STARD6: variants seen among roughly 807,000 people sequenced by gnomAD.
STARD6 encodes the protein StAR related lipid transfer domain containing 6, also known as stAR-related lipid transfer protein 6.
A neutral mutation model predicts 22.3 loss-of-function variants in STARD6; 21 were observed. The observed-to-expected ratio is 0.94, with a 90% CI of 0.67 to 1.35. The LOEUF (loss-of-function observed/expected upper bound fraction) is 1.35, where lower values mean the gene tolerates loss of function less well. Ranked by LOEUF, STARD6 falls within the 40% of genes most tolerant of loss-of-function variation. The pLI, the probability that STARD6 is intolerant of heterozygous loss-of-function variation, is 0.00. For missense variants in STARD6, 269 were observed against 266.9 expected (o/e 1.01, Z -0.05); for synonymous variants, 80 against 88.1 (o/e 0.91, Z 0.52).
intron 5 of STARD6, 151 bp downstream of exon 5, chr18:54,336,974 G>T: frequency 3.4e-6 from 2 of 593,974 alleles, no homozygotes; most frequent in Non-Finnish European, 5.4e-6. Context: ...CTGTTGGAAA[G>T]TAGGGAAGTT....
chr18:54,346,385 C>T (rs1285551633), intron 4 of STARD6, among the ~76,000 whole-genome samples: 1 of 152,004 alleles, frequency 6.6e-6, no homozygotes, highest in African/African-American at 2.4e-5. Flanking sequence ...ACTAGGATAG[C>T]TATAATCAAG....
intron 7 of STARD6, among the ~76,000 whole-genome samples, chr18:54,328,862 T>G (rs1401287794): frequency 6.6e-6 from 1 of 152,212 alleles, no homozygotes; most frequent in African/African-American, 2.4e-5. Context: ...CTCTGATTTC[T>G]TCGGCTTTTC....
intron 2 of STARD6, chr18:54,355,992 C>T (rs1373146584): frequency 6.6e-6 from 1 of 152,030 alleles, no homozygotes; most frequent in Non-Finnish European, 1.5e-5. Flanking sequence ...TCTATCTCAC[C>T]GAATCATTAT....
chr18:54,354,623 A>G, intron 2 of STARD6, 46 bp from the exon 3 acceptor site: 2 of 1,348,666 alleles, frequency 1.5e-6, no homozygotes, highest in Non-Finnish European at 2.1e-6. Context: ...TAACCATATA[A>G]AAACTTAAAA....
At chr18:54,326,326 C>CTTT (rs11353724) in intron 7 of STARD6, among the ~76,000 whole-genome samples, 21 of 120,260 alleles carry the variant, frequency 1.7e-4, no homozygotes, top group Non-Finnish European at 2.5e-4. Context: ...GCTGACAGGT[C>CTTT]TTTTTTTTTT....
intron 2 of STARD6, among the ~76,000 whole-genome samples, chr18:54,355,120 T>C (rs1359079901): frequency 1.3e-5 from 2 of 152,172 alleles, no homozygotes; most frequent in Non-Finnish European, 2.9e-5. Flanking sequence ...TCTTCAAATA[T>C]ACCTCCTACC....
intron 7 of STARD6, 98 bp downstream of exon 7, chr18:54,329,249 C>A: frequency 1.1e-6 from 1 of 904,286 alleles, no homozygotes; most frequent in South Asian, 2.0e-5. Context: ...ACAGAATATG[C>A]TGCTACATAT....
At chr18:54,327,747 A>T (rs929504642) in intron 7 of STARD6, among the ~76,000 whole-genome samples, 6 of 152,070 alleles carry the variant, frequency 3.9e-5, no homozygotes, top group Non-Finnish European at 2.9e-5. Flanking sequence ...TTCAAGGGAG[A>T]CTACCCTTCC....
chr18:54,350,086 T>C (rs540020942), intron 4 of STARD6, among the ~76,000 whole-genome samples: 7 of 152,290 alleles, frequency 4.6e-5, no homozygotes, highest in Admixed American at 4.6e-4. Context: ...GTTGTACTGA[T>C]TTACCTTCCC....
At chr18:54,329,062 G>A (rs1240735788) in intron 7 of STARD6, among the ~76,000 whole-genome samples, 1 of 152,074 alleles carries the variant, frequency 6.6e-6, no homozygotes. Context: ...CTCTAATGGA[G>A]AAATAGAAAA....
chr18:54,351,446 C>G (rs1267709628), intron 4 of STARD6, among the ~76,000 whole-genome samples: 1 of 151,874 alleles, frequency 6.6e-6, no homozygotes, highest in Non-Finnish European at 1.5e-5. Context: ...CTTTACCCAT[C>G]TGCATGATTG....
intron 3 of STARD6, 163 bp downstream of exon 3, chr18:54,354,321 T>C: frequency 1.5e-6 from 1 of 672,870 alleles, no homozygotes; most frequent in Non-Finnish European, 2.5e-6. Flanking sequence ...CTCAAACTCC[T>C]GTGCTCAAGC....
At chr18:54,349,788 A>G (rs1479329863) in intron 4 of STARD6, among the ~76,000 whole-genome samples, 11 of 152,198 alleles carry the variant, frequency 7.2e-5, no homozygotes, top group African/African-American at 2.7e-4. Context: ...CTTCACTTAG[A>G]ATAATGGTCT....
rs2089058442 is a variant in STARD6 at position 54,348,344 on chromosome 18, T to C, written c.140+5710A>G. Among the ~76,000 whole-genome samples the C allele has an allele frequency of 2.0e-5, 3 of 152,192 alleles. No homozygotes were observed. In the South Asian group the frequency reaches 6.2e-4, roughly 32 times the overall value. ...GTAACGACAATGGAGGAGAAAGTAGTATCCTAAACAAGCATGAAATGCCTA... is the reference window on the plus strand; with the variant it reads ...GTAACGACAATGGAGGAGAAAGTAGCATCCTAAACAAGCATGAAATGCCTA... On this transcript the variant is annotated intron_variant, in intron 4 of 7. Coordinates refer to ENST00000307844, the MANE Select transcript of STARD6 (RefSeq NM_139171.2).
intron 4 of STARD6, among the ~76,000 whole-genome samples, chr18:54,351,278 G>C (rs2089093583): frequency 6.6e-6 from 1 of 152,014 alleles, no homozygotes; most frequent in African/African-American, 2.4e-5. Context: ...TTCTCAGCTT[G>C]GTCACTGTTG....
chr18:54,354,391 G>T (rs752578644), intron 3 of STARD6, 93 bp downstream of exon 3: 41 of 1,161,926 alleles, frequency 3.5e-5, no homozygotes, highest in Non-Finnish European at 5.0e-5. Context: ...ACTGCACCTG[G>T]AACAGAAAAT....
chr18:54,326,393 G>A (rs1360393303), intron 7 of STARD6, among the ~76,000 whole-genome samples: 1 of 146,818 alleles, frequency 6.8e-6, no homozygotes, highest in Non-Finnish European at 1.5e-5. Flanking sequence ...GTGCCGTGGA[G>A]TGATCTGGGA....
intron 4 of STARD6, among the ~76,000 whole-genome samples, chr18:54,352,331 T>C (rs2089105828): frequency 6.6e-6 from 1 of 152,206 alleles, no homozygotes; most frequent in Non-Finnish European, 1.5e-5. Context: ...ATTTGGATCT[T>C]CTCTCCTTTT....
At chr18:54,334,312 G>A (rs916063284) in intron 5 of STARD6, among the ~76,000 whole-genome samples, 1 of 152,098 alleles carries the variant, frequency 6.6e-6, no homozygotes, top group Non-Finnish European at 1.5e-5. Context: ...TGTTTTTGCT[G>A]ATTTCTTTCT....
Sources: gnomAD v4.1 joint callset for allele counts (sites outside exome capture counted in the v4.1 genomes callset) on GRCh38, gnomAD v4.1.1 for gene constraint, MANE v1.5 for transcripts, NCBI Gene and HGNC (gene_info 2026-07-23, HGNC 2026-07-21) for gene names.